Variants in SNTG1 observed in about 807,000 individuals in gnomAD.
SNTG1 encodes the protein syntrophin gamma 1.
SNTG1 carries 39 observed loss-of-function variants against 74.7 expected under a neutral mutation model. The observed-to-expected ratio is 0.52, with a 90% CI of 0.40 to 0.68. The LOEUF is 0.68. Ranked by LOEUF, SNTG1 falls within the 30% of genes least tolerant of loss-of-function variation. SNTG1 has a pLI of 0.00. For synonymous variants in SNTG1, 254 were observed against 217.1 expected, an observed-to-expected ratio of 1.17 and a Z score of -1.49; for missense variants, 685 against 609.5, an observed-to-expected ratio of 1.12 and a Z score of -1.30.
At position 50,047,758 on chromosome 8, in the gene SNTG1, C is replaced by T. The variant is rs188954440; in HGVS notation, c.-102-124803C>T. ...TGTTTCTCAAACTTGACTGTCATAA[C>T]AACCTGGGGGTGTCACATGCTAAGT... is the stretch of plus-strand genomic sequence containing the variant. On this transcript the variant is annotated intron_variant, in intron 1 of 18. Coordinates refer to ENST00000642720, the MANE Select transcript of SNTG1 (RefSeq NM_018967.5). Among the ~76,000 whole-genome samples, 30 of 152,240 alleles carry T rather than the reference C, an allele frequency of 2.0e-4. 1 individual carries two copies. Among genetic ancestry groups the T allele is most frequent in the Admixed American group, 1.8e-3 (27 of 15,302 alleles).
Position 50,656,983 on chromosome 8 carries a change from G to A in SNTG1, c.924G>A (p.Leu308=), listed in dbSNP as rs79666619. The part of the protein sequence containing the change: ...LQDRVYSPTF[L]ALRGSCLYKF... ...ACAGAGTGTACTCCCCGACCTTCCT[G>A]GCCCTGAGGGGCTCATGTCTCTACA... The change falls in exon 14 of 19, where the codon CTG becomes CTA. Residue 308 remains leucine (L), a synonymous_variant. Coordinates refer to ENST00000642720, the MANE Select transcript of SNTG1 (RefSeq NM_018967.5). 0.019 allele frequency: 30,473 copies of A among 1,587,676 alleles called. 352 individuals carry two copies. The highest frequency in any genetic ancestry group is 0.024 in the Non-Finnish European group (27,534 of 1,168,226).
intron 2 of SNTG1, among the ~76,000 whole-genome samples, chr8:50,300,662 T>A (rs1478811458): frequency 1.3e-5 from 2 of 152,174 alleles, no homozygotes; most frequent in Non-Finnish European, 1.5e-5. Context: ...ATATAATTTT[T>A]ATCAGTATTC....
At chr8:50,204,109 A>C (rs560864840) in intron 2 of SNTG1, among the ~76,000 whole-genome samples, 1 of 152,288 alleles carries the variant, frequency 6.6e-6, no homozygotes, top group Non-Finnish European at 1.5e-5. Context: ...GGACTGAAAA[A>C]GGGAATGGGA....
intron 1 of SNTG1, among the ~76,000 whole-genome samples, chr8:50,147,062 T>C (rs1281140682): frequency 1.3e-5 from 2 of 152,204 alleles, no homozygotes; most frequent in African/African-American, 2.4e-5. Flanking sequence ...ATCCTGTTGA[T>C]GTTGTATTTA....
intron 2 of SNTG1, among the ~76,000 whole-genome samples, chr8:50,279,305 T>A (rs2088298121): frequency 6.6e-6 from 1 of 152,132 alleles, no homozygotes; most frequent in African/African-American, 2.4e-5. Flanking sequence ...CTTTTAAAGA[T>A]GTTTTTGATT....
chr8:50,174,343 G>A (rs1247816377), intron 2 of SNTG1, among the ~76,000 whole-genome samples: 2 of 152,114 alleles, frequency 1.3e-5, no homozygotes, highest in Non-Finnish European at 1.5e-5. Flanking sequence ...AATCCTTTGG[G>A]TATATACCCA....
At chr8:49,971,292 A>C (rs542780265) in intron 1 of SNTG1, among the ~76,000 whole-genome samples, 1 of 152,330 alleles carries the variant, frequency 6.6e-6, no homozygotes, top group African/African-American at 2.4e-5. Flanking sequence ...TAGATGCAGA[A>C]AAGGCCTTTG....
chr8:50,657,391 A>C (rs1382949423), intron 14 of SNTG1, among the ~76,000 whole-genome samples: 1 of 152,182 alleles, frequency 6.6e-6, no homozygotes, highest in Non-Finnish European at 1.5e-5. Flanking sequence ...AATATATCAA[A>C]AGTGAAATAA....
chr8:49,938,643 C>CTTTCTTTCTTTCTTTG lies in SNTG1; in HGVS notation c.-103+26412_-103+26413insTTTCTTTCTTTCTTTG, dbSNP rs1563371305. On this transcript the variant is annotated intron_variant, in intron 1 of 18. Transcript: ENST00000642720. ...TCTTTCTTTCTTTCTTTCTTTCTTT[C>CTTTCTTTCTTTCTTTG]CTTCCTCTCTCTCTCTCTTCCTTCC... Among the ~76,000 whole-genome samples, 101 of 106,324 alleles carry CTTTCTTTCTTTCTTTG rather than the reference C, an allele frequency of 9.5e-4. 1 individual carries two copies. Among genetic ancestry groups the CTTTCTTTCTTTCTTTG allele is most frequent in the African/African-American group, 3.3e-3 (94 of 28,308 alleles). The allele number at this position is 106,324 out of a possible 152,430, so 69.8% of individuals were successfully genotyped here. A position where few individuals can be genotyped will look rare whatever the true frequency, so the allele number is the denominator to read the frequency against.
In SNTG1 at chr8:49,929,372, G is replaced by A. The variant is rs546801883; in HGVS notation, c.-103+17141G>A. Among the ~76,000 whole-genome samples, 490 of 152,314 alleles carry A rather than the reference G, an allele frequency of 3.2e-3. 3 individuals are homozygous for A. The highest frequency in any genetic ancestry group is 0.011 in the African/African-American group (468 of 41,560). ...CCTCTTACTCAATGGTACTTGCTAGGCGGAGAAGGCAAGCCCGCATCTATG... is the reference window on the plus strand; with the variant it reads ...CCTCTTACTCAATGGTACTTGCTAGACGGAGAAGGCAAGCCCGCATCTATG... On this transcript the variant is annotated intron_variant, in intron 1 of 18. Coordinates refer to ENST00000642720, the MANE Select transcript of SNTG1 (RefSeq NM_018967.5).
chr8:50,588,726 G>A (rs999106249), intron 12 of SNTG1, among the ~76,000 whole-genome samples: 17 of 152,216 alleles, frequency 1.1e-4, no homozygotes, highest in Non-Finnish European at 2.1e-4. Flanking sequence ...CAGAGAAGAA[G>A]TATTTGAAAA....
chr8:49,980,521 C>CA (rs565561398), intron 1 of SNTG1, among the ~76,000 whole-genome samples: 661 of 53,798 alleles, frequency 0.012, 24 homozygotes, highest in Middle Eastern at 0.054. Flanking sequence ...GACTCCTTCG[C>CA]AAAAAAAAAA....
chr8:50,375,206 A>G (rs1169436669), intron 2 of SNTG1, among the ~76,000 whole-genome samples: 2 of 152,126 alleles, frequency 1.3e-5, no homozygotes, highest in Non-Finnish European at 2.9e-5. Flanking sequence ...TGTTTGCATT[A>G]CTGACTTTTG....
At chr8:50,504,645 C>A (rs73585122) in intron 9 of SNTG1, among the ~76,000 whole-genome samples, 12,466 of 151,762 alleles carry the variant, frequency 0.082, 617 homozygotes, top group South Asian at 0.18. Context: ...TACAAAAAAA[C>A]CCCAAAATAG....
chr8:50,076,332 T>G (rs1293577834), intron 1 of SNTG1, among the ~76,000 whole-genome samples: 1 of 152,140 alleles, frequency 6.6e-6, no homozygotes, highest in African/African-American at 2.4e-5. Context: ...GTGAGTTGGT[T>G]TATGAGTATT....
At chr8:50,388,977 A>G (rs2092616147) in intron 2 of SNTG1, among the ~76,000 whole-genome samples, 1 of 152,112 alleles carries the variant, frequency 6.6e-6, no homozygotes, top group Non-Finnish European at 1.5e-5. Context: ...GGTTGGGATG[A>G]ATCTTGCATT....
intron 2 of SNTG1, among the ~76,000 whole-genome samples, chr8:50,327,731 C>A (rs76316865): frequency 0.052 from 7,926 of 152,016 alleles, 244 homozygotes; most frequent in Middle Eastern, 0.12. Context: ...TTCTTTGTTT[C>A]ATTTTTGTCT....
At chr8:50,398,250 C>G (rs2092753564) in intron 3 of SNTG1, among the ~76,000 whole-genome samples, 1 of 152,220 alleles carries the variant, frequency 6.6e-6, no homozygotes, top group Non-Finnish European at 1.5e-5. Flanking sequence ...TATCTCCTTG[C>G]TCACATTTAT....
At chr8:49,912,473 T>C (rs1805662926) in intron 1 of SNTG1, among the ~76,000 whole-genome samples, 1 of 152,218 alleles carries the variant, frequency 6.6e-6, no homozygotes, top group African/African-American at 2.4e-5. Context: ...ATCTAATATC[T>C]TTTTGGATCT....
Sources: allele counts gnomAD v4.1 joint callset (sites outside exome capture counted in the v4.1 genomes callset), GRCh38; gene constraint gnomAD v4.1.1; transcripts MANE v1.5; gene names NCBI Gene and HGNC (gene_info 2026-07-23, HGNC 2026-07-21).